Variants in APBB2 observed in about 807,000 individuals in gnomAD.
APBB2 encodes amyloid beta precursor protein binding family B member 2, also known as Fe65-like 1.
APBB2 carries 38 observed loss-of-function variants against 82.5 expected under a neutral mutation model. The ratio of observed to expected loss-of-function variants is 0.46; its 90% CI spans 0.36 to 0.60. The LOEUF (loss-of-function observed/expected upper bound fraction) is 0.60. Ranked by LOEUF, APBB2 falls within the 20% of genes least tolerant of loss-of-function variation. The probability of loss-of-function intolerance (pLI) is 0.00; values close to 1 mark genes in which losing one functional copy is unlikely to be tolerated. For synonymous variants in APBB2, 341 were observed against 368.2 expected (o/e 0.93, Z 0.85); for missense variants, 772 against 972.3 (o/e 0.79, Z 2.74).
chr4:40,975,938 A>T (rs962342090), intron 6 of APBB2, among the ~76,000 whole-genome samples: 1 of 152,140 alleles, frequency 6.6e-6, no homozygotes, highest in Non-Finnish European at 1.5e-5. Flanking sequence ...TTTAATCCAA[A>T]CCAGTAAATT....
intron 1 of APBB2, among the ~76,000 whole-genome samples, chr4:41,152,753 C>A (rs774445747): frequency 1.3e-5 from 2 of 152,178 alleles, no homozygotes; most frequent in Admixed American, 6.5e-5. Flanking sequence ...AGTGAAGATG[C>A]CTTCCTCCTG....
At chr4:40,957,368 T>C (rs1485825175) in intron 6 of APBB2, among the ~76,000 whole-genome samples, 1 of 152,166 alleles carries the variant, frequency 6.6e-6, no homozygotes, top group African/African-American at 2.4e-5. Flanking sequence ...AACTAGATAA[T>C]AACACTGGCC....
At chr4:41,055,637 C>T (rs1269937858) in intron 4 of APBB2, among the ~76,000 whole-genome samples, 1 of 152,200 alleles carries the variant, frequency 6.6e-6, no homozygotes, top group Non-Finnish European at 1.5e-5. Flanking sequence ...CCTCTGACTC[C>T]TCTCTCATCT....
chr4:41,115,748 A>T (rs1039678580), intron 2 of APBB2, among the ~76,000 whole-genome samples: 3 of 152,232 alleles, frequency 2.0e-5, no homozygotes, highest in African/African-American at 7.2e-5. Flanking sequence ...AGAAATGCAA[A>T]TCAAAACCAC....
chr4:40,924,066 C>T (rs1420215623), intron 10 of APBB2, among the ~76,000 whole-genome samples: 1 of 152,222 alleles, frequency 6.6e-6, no homozygotes, highest in Non-Finnish European at 1.5e-5. Context: ...AGCCTGGCTT[C>T]GGGTCCTGCT....
At chr4:40,945,835 C>T (rs1034464387) in intron 6 of APBB2, among the ~76,000 whole-genome samples, 22 of 152,174 alleles carry the variant, frequency 1.4e-4, no homozygotes, top group African/African-American at 4.8e-4. Flanking sequence ...GTCTCCATCT[C>T]CTGACCTCGT....
At chr4:41,182,391 T>C (rs1771674405) in intron 1 of APBB2, among the ~76,000 whole-genome samples, 1 of 152,206 alleles carries the variant, frequency 6.6e-6, no homozygotes, top group African/African-American at 2.4e-5. Flanking sequence ...AAGGTAACCT[T>C]GGTTAATCTC....
intron 2 of APBB2, among the ~76,000 whole-genome samples, chr4:41,138,355 TAC>T (rs1169195923): frequency 1.3e-5 from 2 of 152,296 alleles, no homozygotes; most frequent in Admixed American, 6.5e-5. Context: ...AGTTTATACA[TAC>T]ACACAGTTTC....
chr4:41,052,908 C>T (rs1168437211), intron 4 of APBB2, among the ~76,000 whole-genome samples: 1 of 151,924 alleles, frequency 6.6e-6, no homozygotes, highest in Non-Finnish European at 1.5e-5. Context: ...GGATTACAGG[C>T]ACCAGCCACT....
chr4:40,848,453 C>T (rs1758310131), intron 12 of APBB2, among the ~76,000 whole-genome samples: 1 of 152,142 alleles, frequency 6.6e-6, no homozygotes, highest in Non-Finnish European at 1.5e-5. Flanking sequence ...TCTTTCCTGC[C>T]GTGTAGCTCT....
At chr4:40,869,338 T>C (rs979610127) in intron 12 of APBB2, among the ~76,000 whole-genome samples, 2 of 152,130 alleles carry the variant, frequency 1.3e-5, no homozygotes, top group Non-Finnish European at 2.9e-5. Context: ...TCCCAGCACT[T>C]TGGGAGGCTG....
At chr4:41,150,350 G>A (rs971786117) in intron 1 of APBB2, among the ~76,000 whole-genome samples, 1 of 152,140 alleles carries the variant, frequency 6.6e-6, no homozygotes, top group South Asian at 2.1e-4. Flanking sequence ...CTTAAGATTA[G>A]TAAAAGGCAT....
chr4:41,212,038 TA>T (rs1476328518), intron 1 of APBB2, among the ~76,000 whole-genome samples: 3 of 152,210 alleles, frequency 2.0e-5, no homozygotes, highest in African/African-American at 7.2e-5. Flanking sequence ...AGATATCCAG[TA>T]CTCAGGATAG....
intron 6 of APBB2, among the ~76,000 whole-genome samples, chr4:40,998,661 C>T (rs993266850): frequency 2.0e-5 from 3 of 152,202 alleles, no homozygotes; most frequent in South Asian, 2.1e-4. Flanking sequence ...TTGATGAAGC[C>T]GTACATTAAA....
At chr4:40,859,508 A>C (rs1346407482) in intron 12 of APBB2, among the ~76,000 whole-genome samples, 2 of 152,122 alleles carry the variant, frequency 1.3e-5, no homozygotes, top group Admixed American at 6.5e-5. Flanking sequence ...CCCGGCCTGC[A>C]GTAGTGTTTT....
At chr4:40,989,203 C>T (rs556527967) in intron 6 of APBB2, among the ~76,000 whole-genome samples, 51 of 152,172 alleles carry the variant, frequency 3.4e-4, no homozygotes, top group Non-Finnish European at 6.0e-4. Flanking sequence ...GTTGCAATGC[C>T]TTGCCTCTTC....
chr4:41,028,035 A>T (rs1715152626), intron 5 of APBB2, among the ~76,000 whole-genome samples: 1 of 152,264 alleles, frequency 6.6e-6, no homozygotes, highest in African/African-American at 2.4e-5. Context: ...TGCATGCATG[A>T]TGAAGGAACA....
chr4:41,031,831 T>A (rs1716944954), intron 5 of APBB2, among the ~76,000 whole-genome samples: 1 of 152,228 alleles, frequency 6.6e-6, no homozygotes, highest in Non-Finnish European at 1.5e-5. Context: ...AAAATCTATT[T>A]TCTAAAGAAC....
intron 3 of APBB2, among the ~76,000 whole-genome samples, chr4:41,088,013 C>T (rs1281123036): frequency 6.6e-6 from 1 of 152,136 alleles, no homozygotes; most frequent in Admixed American, 6.5e-5. Context: ...TACAGACAAG[C>T]TGAATCTATT....
Sources: gnomAD v4.1 joint callset for allele counts (sites outside exome capture counted in the v4.1 genomes callset) on GRCh38, gnomAD v4.1.1 for gene constraint, MANE v1.5 for transcripts, NCBI Gene and HGNC (gene_info 2026-07-23, HGNC 2026-07-21) for gene names.